Variants in RBFOX1 observed in about 807,000 individuals in gnomAD.
The protein encoded by RBFOX1 is RNA binding protein fox-1 homolog 1.
Under a neutral mutation model 57.7 loss-of-function variants are expected in RBFOX1, and 8 were observed. That is an observed-to-expected ratio of 0.14 (90% confidence interval 0.08 to 0.25). The LOEUF (loss-of-function observed/expected upper bound fraction) is 0.25, where lower values mean the gene tolerates loss of function less well. Among genes scored for constraint, RBFOX1 ranks in the 10% least tolerant of loss-of-function variants. The probability of loss-of-function intolerance (pLI) is 1.00; values close to 1 mark genes in which losing one functional copy is unlikely to be tolerated. For synonymous variants in RBFOX1, 326 were observed against 222.4 expected (o/e 1.47, Z -4.15); for missense variants, 611 against 548.5 (o/e 1.11, Z -1.14).
At chr16:6,993,977 G>T (rs1485427862) in intron 3 of RBFOX1, among the ~76,000 whole-genome samples, 2 of 152,178 alleles carry the variant, frequency 1.3e-5, no homozygotes, top group Non-Finnish European at 2.9e-5. Flanking sequence ...GGGAAGAGGG[G>T]TGGAGGTGGC....
intron 2 of RBFOX1, among the ~76,000 whole-genome samples, chr16:6,526,822 T>A (rs1255662049): frequency 9.1e-5 from 8 of 88,156 alleles, no homozygotes; most frequent in Non-Finnish European, 1.3e-4. Context: ...AGAGCGAGAC[T>A]CTGTCTCAAA....
At chr16:7,574,951 G>C (rs933446687) in intron 5 of RBFOX1, among the ~76,000 whole-genome samples, 2 of 151,594 alleles carry the variant, frequency 1.3e-5, no homozygotes, top group African/African-American at 4.8e-5. Context: ...TGTTTGTACT[G>C]CATACACCTT....
In RBFOX1 at chr16:6,430,195, G is replaced by A. The variant is rs1475637222; in HGVS notation, c.-64+113138G>A. 5.3e-5 allele frequency among the ~76,000 whole-genome samples: 8 copies of A among 152,020 alleles called. No individual in the cohort carries two copies. In the South Asian group the frequency reaches 8.3e-4, roughly 16 times the overall value. On this transcript the variant is annotated intron_variant, in intron 2 of 15. Transcript: ENST00000550418. ...CAGTCCCAGGTATGTCTTTATTAGCGGCATGAGAACAGACTAATACACCTA... is the reference window on the plus strand; with the variant it reads ...CAGTCCCAGGTATGTCTTTATTAGCAGCATGAGAACAGACTAATACACCTA...
intron 3 of RBFOX1, among the ~76,000 whole-genome samples, chr16:5,823,900 A>G (rs1421634382): frequency 6.6e-6 from 1 of 152,202 alleles, no homozygotes; most frequent in Non-Finnish European, 1.5e-5. Context: ...GAAGGGCACA[A>G]TAAACATAAT....
chr16:6,445,592 G>A (rs1487365074), intron 2 of RBFOX1, among the ~76,000 whole-genome samples: 1 of 82,922 alleles, frequency 1.2e-5, no homozygotes, highest in African/African-American at 4.6e-5. Flanking sequence ...TTGAGATGGA[G>A]TTTTTTTTTG....
intron 11 of RBFOX1, among the ~76,000 whole-genome samples, chr16:7,638,977 T>A (rs542844141): frequency 4.3e-4 from 65 of 152,240 alleles, no homozygotes; most frequent in African/African-American, 1.5e-3. Context: ...TTTATCACAT[T>A]TTAAATGACG....
chr16:5,502,141 C>A lies in RBFOX1; in HGVS notation c.258+34887C>A, dbSNP rs1167093462. Among the ~76,000 whole-genome samples the A allele has an allele frequency of 3.3e-5, 5 of 152,020 alleles. 1 individual carries two copies. The South Asian group carries it at 1.0e-3, about 32-fold the overall frequency. ...GAAGGTGGTTGTAGGGTTAGCTAAACTAGGGGAAGAAATCAAGAGAGGCTT... is the reference window on the plus strand; with the variant it reads ...GAAGGTGGTTGTAGGGTTAGCTAAAATAGGGGAAGAAATCAAGAGAGGCTT... On this transcript the variant is annotated intron_variant, in intron 2 of 2. Coordinates refer to the RBFOX1 transcript ENST00000585867.
At chr16:5,795,815 T>A (rs937259429) in intron 3 of RBFOX1, among the ~76,000 whole-genome samples, 1 of 152,212 alleles carries the variant, frequency 6.6e-6, no homozygotes, top group Non-Finnish European at 1.5e-5. Flanking sequence ...TTACATTCAT[T>A]GGGGAAGGAT....
chr16:6,693,232 A>G (rs1460288721), intron 3 of RBFOX1, among the ~76,000 whole-genome samples: 7 of 151,644 alleles, frequency 4.6e-5, no homozygotes, highest in East Asian at 1.9e-4. Flanking sequence ...ATCCTCCTCC[A>G]CTACCATCAC....
At chr16:7,527,687 G>T (rs1292272147) in intron 5 of RBFOX1, among the ~76,000 whole-genome samples, 1 of 152,040 alleles carries the variant, frequency 6.6e-6, no homozygotes, top group African/African-American at 2.4e-5. Context: ...TATATGTGAG[G>T]CTTAGAGTTG....
At chr16:7,486,368 A>C (rs1456660703) in intron 4 of RBFOX1, among the ~76,000 whole-genome samples, 2 of 151,698 alleles carry the variant, frequency 1.3e-5, no homozygotes, top group African/African-American at 4.8e-5. Flanking sequence ...CCTGACCTCG[A>C]GTGATCCACC....
chr16:6,866,256 T>A (rs2059891776), intron 3 of RBFOX1, among the ~76,000 whole-genome samples: 2 of 152,260 alleles, frequency 1.3e-5, no homozygotes, highest in Admixed American at 1.3e-4. Context: ...GTAAACTACT[T>A]TCCTACCACT....
At chr16:7,496,068 C>T (rs894610420) in intron 4 of RBFOX1, among the ~76,000 whole-genome samples, 1 of 152,132 alleles carries the variant, frequency 6.6e-6, no homozygotes, top group African/African-American at 2.4e-5. Flanking sequence ...AGGCTGGGTC[C>T]ACATTCTGTC....
intron 2 of RBFOX1, among the ~76,000 whole-genome samples, chr16:6,445,965 A>ATT (rs56112217): frequency 0.52 from 78,756 of 150,676 alleles, 20,650 homozygotes; most frequent in Admixed American, 0.59. Context: ...ACTTTTTTAA[A>ATT]TTTTTTTTTA....
rs1358836868 is a variant in RBFOX1, at chr16:6,351,368, A to AT, written c.-64+34312dup. Among the ~76,000 whole-genome samples, 62 of 103,822 alleles carry AT rather than the reference A, an allele frequency of 6.0e-4. 1 individual carries two copies. The highest frequency in any genetic ancestry group is 1.7e-3 in the African/African-American group (38 of 22,796). 68.1% of individuals were successfully genotyped at this position (103,822 alleles called of 152,430 possible). A position where few individuals can be genotyped will look rare whatever the true frequency, so the allele number is the denominator to read the frequency against. On this transcript the variant is annotated intron_variant, in intron 2 of 15. Transcript: ENST00000550418. ...TGTGTGTGTGTATATATATATATAT[A>AT]TATATTTTTTTTTTTTTTTCTTGAG...
chr16:5,771,911 C>T (rs964585932), intron 3 of RBFOX1, among the ~76,000 whole-genome samples: 8 of 152,160 alleles, frequency 5.3e-5, no homozygotes, highest in Non-Finnish European at 8.8e-5. Context: ...CAGTGGCTCA[C>T]GCCTGTAATC....
chr16:5,411,572 C>G (rs995707524), intron 1 of RBFOX1, among the ~76,000 whole-genome samples: 12 of 152,234 alleles, frequency 7.9e-5, no homozygotes, highest in African/African-American at 2.9e-4. Context: ...TTTGAAGACA[C>G]TAAGTTTGTG....
chr16:7,186,680 T>TAGA (rs1389915789), intron 4 of RBFOX1, among the ~76,000 whole-genome samples: 1 of 148,394 alleles, frequency 6.7e-6, no homozygotes, highest in South Asian at 2.1e-4. Context: ...TATACATACT[T>TAGA]ACGTCTTTAA....
chr16:6,873,153 A>G (rs774881973), intron 3 of RBFOX1, among the ~76,000 whole-genome samples: 2 of 151,646 alleles, frequency 1.3e-5, no homozygotes, highest in African/African-American at 4.8e-5. Flanking sequence ...AAAGCTCTAT[A>G]GCAGACTTTC....
Sources: allele counts gnomAD v4.1 joint callset (sites outside exome capture counted in the v4.1 genomes callset), GRCh38; gene constraint gnomAD v4.1.1; transcripts MANE v1.5; gene names NCBI Gene and HGNC (gene_info 2026-07-23, HGNC 2026-07-21).